Variants in OPRM1 observed in about 807,000 individuals in gnomAD.
OPRM1 encodes opioid receptor mu 1.
A neutral mutation model predicts 31.8 loss-of-function variants in OPRM1; 27 were observed. The observed-to-expected ratio is 0.85, with a 90% CI of 0.63 to 1.17. The LOEUF (loss-of-function observed/expected upper bound fraction) is 1.17, where lower values mean the gene tolerates loss of function less well. Among genes scored for constraint, OPRM1 ranks in the 50% most tolerant of loss-of-function variants. The probability of loss-of-function intolerance (pLI) is 0.00; values close to 1 mark genes in which losing one functional copy is unlikely to be tolerated. For synonymous variants in OPRM1, 196 were observed against 189.9 expected (o/e 1.03, Z -0.26); for missense variants, 536 against 511.1 (o/e 1.05, Z -0.47).
intron 3 of OPRM1, among the ~76,000 whole-genome samples, chr6:154,163,230 T>C (rs1335736665): frequency 2.6e-5 from 4 of 152,156 alleles, no homozygotes; most frequent in Non-Finnish European, 5.9e-5. Flanking sequence ...CTCCCCATGC[T>C]CCATCCCCAC....
rs556540054 is a variant in OPRM1 at position 154,046,187 on chromosome 6, A to G, written c.290+6353A>G. Among the ~76,000 whole-genome samples the G allele has an allele frequency of 1.1e-4, 16 of 152,308 alleles. No homozygotes were observed. The East Asian group carries it at 2.9e-3, about 28-fold the overall frequency. ...TAACTATCAAAAACTCGTAAGAAAA[A>G]TTCTGATAGGCAGCACCAGTTAGAA... On this transcript the variant is annotated intron_variant, in intron 1 of 3. Coordinates refer to ENST00000330432, the MANE Select transcript of OPRM1 (RefSeq NM_000914.5).
intron 1 of OPRM1, among the ~76,000 whole-genome samples, chr6:154,048,410 A>G (rs943690015): frequency 6.6e-6 from 1 of 152,190 alleles, no homozygotes; most frequent in Non-Finnish European, 1.5e-5. Flanking sequence ...TACTCCTACA[A>G]CCAATTTCCC....
At chr6:154,071,343 T>G (rs1375838641) in intron 1 of OPRM1, among the ~76,000 whole-genome samples, 1 of 152,182 alleles carries the variant, frequency 6.6e-6, no homozygotes, top group African/African-American at 2.4e-5. Context: ...ATGCCAAGAT[T>G]TCAGTGAGGC....
At chr6:154,097,649 T>C (rs1041179413) in intron 3 of OPRM1, among the ~76,000 whole-genome samples, 13 of 151,930 alleles carry the variant, frequency 8.6e-5, no homozygotes, top group African/African-American at 3.1e-4. Context: ...TGTATGGAAT[T>C]AGAGTAAATG....
intron 3 of OPRM1, among the ~76,000 whole-genome samples, chr6:154,173,468 A>G (rs1253053564): frequency 6.6e-6 from 1 of 152,190 alleles, no homozygotes; most frequent in Non-Finnish European, 1.5e-5. Flanking sequence ...AGTGTAGAGA[A>G]GAGTTTAAAT....
chr6:154,013,445 A>G (rs746198569), intron 1 of OPRM1, among the ~76,000 whole-genome samples: 1 of 152,204 alleles, frequency 6.6e-6, no homozygotes, highest in Non-Finnish European at 1.5e-5. Flanking sequence ...GAATTTGTGA[A>G]TTTATGCATC....
chr6:154,240,745 G>A (rs1395425079), intron 3 of OPRM1, among the ~76,000 whole-genome samples: 1 of 152,208 alleles, frequency 6.6e-6, no homozygotes, highest in Non-Finnish European at 1.5e-5. Flanking sequence ...CATGCAGCTA[G>A]AGATGGAACA....
intron 3 of OPRM1, among the ~76,000 whole-genome samples, chr6:154,233,040 C>G (rs1251711417): frequency 6.7e-6 from 1 of 148,260 alleles, no homozygotes; most frequent in East Asian, 2.0e-4. Context: ...GCAATCTCAT[C>G]TCACTGCAAC....
intron 3 of OPRM1, among the ~76,000 whole-genome samples, chr6:154,100,039 T>TATGATATATATC (rs1562471720): frequency 6.4e-4 from 54 of 84,956 alleles, no homozygotes; most frequent in Non-Finnish European, 1.1e-3. Flanking sequence ...TATATTATCA[T>TATGATATATATC]ATGATATATA....
chr6:154,014,991 A>T (rs1777925339), intron 1 of OPRM1, among the ~76,000 whole-genome samples: 1 of 152,064 alleles, frequency 6.6e-6, no homozygotes. Flanking sequence ...AAGTGTTCAC[A>T]TCTCTAGAGG....
chr6:154,081,608 G>C (rs191841666), intron 1 of OPRM1, among the ~76,000 whole-genome samples: 1 of 152,138 alleles, frequency 6.6e-6, no homozygotes, highest in Non-Finnish European at 1.5e-5. Context: ...TCACTATAAC[G>C]AGAAAATGTC....
intron 3 of OPRM1, among the ~76,000 whole-genome samples, chr6:154,201,971 A>C (rs777683247): frequency 2.0e-5 from 3 of 152,218 alleles, no homozygotes; most frequent in Non-Finnish European, 4.4e-5. Context: ...AGAGCAAACT[A>C]GGATCTTCTT....
intron 3 of OPRM1, among the ~76,000 whole-genome samples, chr6:154,224,991 A>G (rs1371737756): frequency 6.6e-6 from 1 of 152,216 alleles, no homozygotes. Context: ...ACAAAAAAGT[A>G]TAGTTTTGAA....
At chr6:154,153,470 G>C (rs1220201254) in intron 3 of OPRM1, among the ~76,000 whole-genome samples, 1 of 152,150 alleles carries the variant, frequency 6.6e-6, no homozygotes, top group Non-Finnish European at 1.5e-5. Flanking sequence ...GATCTCCTGA[G>C]GTCAGGAGTT....
chr6:154,061,828 G>GA (rs11441094), intron 1 of OPRM1, among the ~76,000 whole-genome samples: 24,531 of 146,874 alleles, frequency 0.17, 2,093 homozygotes, highest in African/African-American at 0.19. Context: ...ATAATAGTTG[G>GA]AAAAAAAAAA....
At chr6:154,112,054 C>T (rs945478120) in intron 3 of OPRM1, among the ~76,000 whole-genome samples, 4 of 152,120 alleles carry the variant, frequency 2.6e-5, no homozygotes, top group Non-Finnish European at 2.9e-5. Context: ...CTGGAGCCAC[C>T]GCGCCTGGCC....
chr6:154,080,228 AT>A (rs1788788856), intron 1 of OPRM1, among the ~76,000 whole-genome samples: 1 of 152,220 alleles, frequency 6.6e-6, no homozygotes, highest in Non-Finnish European at 1.5e-5. Context: ...GTAATTCAAT[AT>A]GTTAAGATGC....
chr6:154,200,349 T>C (rs1013434722), intron 3 of OPRM1, among the ~76,000 whole-genome samples: 4 of 152,224 alleles, frequency 2.6e-5, no homozygotes, highest in Non-Finnish European at 5.9e-5. Context: ...TGCTTCAGAA[T>C]ACTGCATTAC....
intron 1 of OPRM1, among the ~76,000 whole-genome samples, chr6:154,062,929 T>A (rs1240356269): frequency 2.0e-5 from 3 of 151,996 alleles, no homozygotes; most frequent in Non-Finnish European, 2.9e-5. Flanking sequence ...TTGTAAAACT[T>A]AGGAGCAATG....
Sources: allele counts gnomAD v4.1 joint callset (sites outside exome capture counted in the v4.1 genomes callset), GRCh38; gene constraint gnomAD v4.1.1; transcripts MANE v1.5; gene names NCBI Gene and HGNC (gene_info 2026-07-23, HGNC 2026-07-21).